The following TMEM132E variants were observed in gnomAD, a reference collection of about 807,000 sequenced individuals.
The protein encoded by TMEM132E is transmembrane protein 132E.
TMEM132E carries 49 observed loss-of-function variants against 78.5 expected under a neutral mutation model. The ratio of observed to expected loss-of-function variants is 0.62; its 90% CI spans 0.50 to 0.79. The LOEUF is 0.79. TMEM132E is among the 30% of genes least tolerant of loss of function. The probability of loss-of-function intolerance (pLI) is 0.00; values close to 1 mark genes in which losing one functional copy is unlikely to be tolerated. For missense variants in TMEM132E, 1,403 were observed against 1,470.9 expected, an observed-to-expected ratio of 0.95 and a Z score of 0.75; for synonymous variants, 715 against 670.6, an observed-to-expected ratio of 1.07 and a Z score of -1.02.
At chr17:34,627,924 G>A (rs541346669) in intron 2 of TMEM132E, among the ~76,000 whole-genome samples, 33 of 152,350 alleles carry the variant, frequency 2.2e-4, no homozygotes, top group Non-Finnish European at 5.9e-5. Flanking sequence ...TAGGAGTAGA[G>A]CTTGCAGAAT....
intron 1 of TMEM132E, among the ~76,000 whole-genome samples, chr17:34,624,310 C>G (rs138475718): frequency 3.7e-4 from 56 of 152,324 alleles, no homozygotes; most frequent in African/African-American, 1.3e-3. Flanking sequence ...CTAGTACTGA[C>G]TAGGAGTCTC....
chr17:34,613,203 ACACACACACGCG>A (rs1906658330), intron 1 of TMEM132E, among the ~76,000 whole-genome samples: 1 of 114,476 alleles, frequency 8.7e-6, no homozygotes, highest in Admixed American at 1.0e-4. Context: ...ACACCCACAC[ACACACACACGCG>A]CGCGCGCGCG....
intron 1 of TMEM132E, among the ~76,000 whole-genome samples, chr17:34,593,986 C>T (rs1254835180): frequency 1.3e-5 from 2 of 152,170 alleles, no homozygotes; most frequent in African/African-American, 2.4e-5. Context: ...TGCTGCCCCT[C>T]GAATAAACAC....
At position 34,580,926 on chromosome 17, in the gene TMEM132E, G is replaced by C. The variant is rs559532576; in HGVS notation, c.-151G>C. On this transcript the variant is annotated 5_prime_UTR_variant, in exon 1 of 9. Transcript: ENST00000631683. Reference sequence around the variant, plus strand: ...GCCTGGGACGCCCCCTCCCCGCAAAGTGTCCCCGAATTGCACTCTCTGGTC... The same window carrying C: ...GCCTGGGACGCCCCCTCCCCGCAAACTGTCCCCGAATTGCACTCTCTGGTC... 7.9e-6 allele frequency: 4 copies of C among 509,386 alleles called. No homozygotes were observed. Among genetic ancestry groups the C allele is most frequent in the Admixed American group, 4.1e-5 (1 of 24,602 alleles). 31.6% of individuals were successfully genotyped at this position (509,386 alleles called of 1,614,324 possible).
At chr17:34,610,598 G>A (rs1906557152) in intron 1 of TMEM132E, among the ~76,000 whole-genome samples, 1 of 152,226 alleles carries the variant, frequency 6.6e-6, no homozygotes, top group Non-Finnish European at 1.5e-5. Flanking sequence ...ATACTGGTGG[G>A]CTGAGGGAGG....
chr17:34,618,198 A>G (rs1906842264), intron 1 of TMEM132E, among the ~76,000 whole-genome samples: 1 of 152,128 alleles, frequency 6.6e-6, no homozygotes, highest in African/African-American at 2.4e-5. Context: ...TTTACTATAA[A>G]CATAGCATTA....
At chr17:34,632,174 T>C (rs1374136449) in intron 5 of TMEM132E, among the ~76,000 whole-genome samples, 1 of 152,152 alleles carries the variant, frequency 6.6e-6, no homozygotes, top group African/African-American at 2.4e-5. Context: ...CACCGGAAAT[T>C]AACTACCTGC....
chr17:34,613,605 T>G (rs1435685058), intron 1 of TMEM132E, among the ~76,000 whole-genome samples: 1 of 152,024 alleles, frequency 6.6e-6, no homozygotes, highest in African/African-American at 2.4e-5. Flanking sequence ...CTCTGTCCCC[T>G]CTTTCTCCGC....
In TMEM132E at chr17:34,638,265, C is replaced by CCA. The variant is rs199558644; in HGVS notation, c.*34_*35insAC. On this transcript the variant is annotated 3_prime_UTR_variant, in exon 9 of 9. Coordinates refer to ENST00000631683, the MANE Select transcript of TMEM132E (RefSeq NM_001304438.2). Reference sequence around the variant, plus strand: ...AGCCGGAGTAGCAGGGACCCCCCCCCCCAACGGGGTCAGCTCGGGGTAGGA... The same window carrying CCA: ...AGCCGGAGTAGCAGGGACCCCCCCCCCACCAACGGGGTCAGCTCGGGGTAGGA... The CCA allele has an allele frequency of 7.6e-4, 1,122 of 1,470,658 alleles. 13 individuals carry two copies. The African/African-American group carries it at 0.015, about 19-fold the overall frequency. 91.1% of individuals were successfully genotyped at this position (1,470,658 alleles called of 1,614,324 possible).
chr17:34,637,610 A>G lies in TMEM132E; in HGVS notation c.2603A>G (p.Glu868Gly). ...GTASPVVPPT[E>G]DFLPLPTGFL... ...GCCAGCCCCGTCGTGCCACCCACAG[A>G]AGACTTCCTGCCGCTGCCCACCGGC... Residue 868 changes from glutamate (E) to glycine (G), a missense_variant, in exon 9 of 9, where the codon GAA becomes GGA. Around this residue, in one of 3 missense-constraint regions of TMEM132E, gnomAD observed 888 missense variants for 952.8 expected, o/e 0.93. Coordinates refer to ENST00000631683, the MANE Select transcript of TMEM132E (RefSeq NM_001304438.2). 6.2e-7 allele frequency: 1 copy of G among 1,603,240 alleles called. No homozygotes were observed. Among genetic ancestry groups the G allele is most frequent in the Non-Finnish European group, 8.5e-7 (1 of 1,178,052 alleles).
intron 1 of TMEM132E, among the ~76,000 whole-genome samples, chr17:34,605,150 A>C (rs551682477): frequency 6.6e-6 from 1 of 152,090 alleles, no homozygotes; most frequent in South Asian, 2.1e-4. Context: ...GTATTTTCTT[A>C]TGTAATCAGC....
intron 1 of TMEM132E, among the ~76,000 whole-genome samples, chr17:34,600,074 A>T (rs1906186690): frequency 6.6e-6 from 1 of 152,238 alleles, no homozygotes; most frequent in African/African-American, 2.4e-5. Flanking sequence ...TCCTATTTTT[A>T]AATGATTTGA....
chr17:34,622,821 T>C (rs988546756), intron 1 of TMEM132E, among the ~76,000 whole-genome samples: 1 of 152,186 alleles, frequency 6.6e-6, no homozygotes. Context: ...TAATTTCTAG[T>C]TGGCAGAAAC....
intron 1 of TMEM132E, among the ~76,000 whole-genome samples, chr17:34,610,269 G>A (rs889351681): frequency 3.9e-5 from 6 of 152,112 alleles, no homozygotes; most frequent in African/African-American, 7.2e-5. Context: ...CTGTCTCCCT[G>A]GCAGTTCCCA....
chr17:34,607,938 C>T (rs892116805), intron 1 of TMEM132E, among the ~76,000 whole-genome samples: 1 of 152,078 alleles, frequency 6.6e-6, no homozygotes, highest in African/African-American at 2.4e-5. Context: ...CTCCAAACCC[C>T]GTAGTTTAGG....
At chr17:34,620,261 C>T (rs1906916202) in intron 1 of TMEM132E, among the ~76,000 whole-genome samples, 1 of 152,230 alleles carries the variant, frequency 6.6e-6, no homozygotes, top group South Asian at 2.1e-4. Flanking sequence ...GCAGGTACCC[C>T]CAACCTCAGA....
At chr17:34,588,682 T>C (rs1167861833) in intron 1 of TMEM132E, among the ~76,000 whole-genome samples, 1 of 152,148 alleles carries the variant, frequency 6.6e-6, no homozygotes, top group African/African-American at 2.4e-5. Context: ...AGACAGTAAA[T>C]AATAAATTCA....
At position 34,628,691 on chromosome 17, in the gene TMEM132E, G is replaced by C. The variant is rs1487787165; in HGVS notation, c.1127G>C (p.Ser376Thr). ...TATVDVAWAQSTPLPPREGQG... is the reference protein window; with the variant it reads ...TATVDVAWAQTTPLPPREGQG... Reference sequence around the variant, plus strand: ...ACCGTGGATGTGGCCTGGGCTCAGAGCACACCCCTGCCCCCCAGGTGAGCC... The same window carrying C: ...ACCGTGGATGTGGCCTGGGCTCAGACCACACCCCTGCCCCCCAGGTGAGCC... The change falls in exon 3 of 9, where the codon AGC (serine) becomes ACC (threonine). Residue 376 changes from serine (S) to threonine (T), a missense_variant. By Grantham distance (58) the Ser-to-Thr change is moderately conservative. Coordinates refer to ENST00000631683, the MANE Select transcript of TMEM132E (RefSeq NM_001304438.2). 1.2e-6 allele frequency: 2 copies of C among 1,605,574 alleles called. No individual in the cohort carries two copies. Among genetic ancestry groups the C allele is most frequent in the Non-Finnish European group, 1.7e-6 (2 of 1,175,186 alleles).
At chr17:34,615,620 G>A (rs894567274) in intron 1 of TMEM132E, among the ~76,000 whole-genome samples, 1 of 151,140 alleles carries the variant, frequency 6.6e-6, no homozygotes, top group Non-Finnish European at 1.5e-5. Flanking sequence ...ACAATCCTCT[G>A]TTCCACACAG....
Sources: gnomAD v4.1 joint callset for allele counts (sites outside exome capture counted in the v4.1 genomes callset) on GRCh38, gnomAD v4.1.1 for gene constraint, gnomAD v4.1.1 regional missense constraint, MANE v1.5 for transcripts, NCBI Gene and HGNC (gene_info 2026-07-23, HGNC 2026-07-21) for gene names.